Variants in ASAP3 observed in about 807,000 individuals in gnomAD.
ASAP3 encodes the protein arf-GAP with SH3 domain, ANK repeat and PH domain-containing protein 3.
A neutral mutation model predicts 118.2 loss-of-function variants in ASAP3; 85 were observed. The ratio of observed to expected loss-of-function variants is 0.72; its 90% CI spans 0.60 to 0.86. The LOEUF is 0.86. Ranked by LOEUF, ASAP3 falls within the 40% of genes least tolerant of loss-of-function variation. The pLI is 0.00. For synonymous variants in ASAP3, 432 were observed against 477.4 expected, an observed-to-expected ratio of 0.90 and a Z score of 1.24; for missense variants, 1,026 against 1,175.0, an observed-to-expected ratio of 0.87 and a Z score of 1.85.
At chr1:23,465,795 C>A (rs1033217345) in intron 1 of ASAP3, among the ~76,000 whole-genome samples, 2 of 152,196 alleles carry the variant, frequency 1.3e-5, no homozygotes, top group Admixed American at 6.5e-5. Flanking sequence ...AGCCACTGCA[C>A]CTGGCCCAGA....
chr1:23,431,734 C>A lies in ASAP3; in HGVS notation c.2508G>T (p.Gly836=). ...PGTSRPSLTS[G]TTPSEMYLPV... is the part of the protein sequence containing the mutation. ...GGAGGTACATCTCCGAAGGGGTGGT[C>A]CCGGATGTCAGGCTGGGTCTGGAGG... is the stretch of plus-strand genomic sequence containing the variant. Residue 836 remains glycine (G), a synonymous_variant, in exon 23 of 25, where the codon GGG becomes GGT. Coordinates refer to ENST00000336689, the MANE Select transcript of ASAP3 (RefSeq NM_017707.4). 1 of 1,521,842 alleles carries A rather than the reference C, an allele frequency of 6.6e-7. No individual in the cohort carries two copies. Among genetic ancestry groups the A allele is most frequent in the Non-Finnish European group, 8.8e-7 (1 of 1,140,242 alleles). 94.3% of individuals were successfully genotyped at this position (1,521,842 alleles called of 1,614,324 possible). A position where few individuals can be genotyped will look rare whatever the true frequency, so the allele number is the denominator to read the frequency against.
intron 5 of ASAP3, among the ~76,000 whole-genome samples, chr1:23,450,115 G>C (rs919337172): frequency 6.6e-6 from 1 of 152,246 alleles, no homozygotes; most frequent in Non-Finnish European, 1.5e-5. Flanking sequence ...TATGCCCACA[G>C]CTGGGGCTGG....
chr1:23,460,698 G>A (rs1259968317), intron 1 of ASAP3, among the ~76,000 whole-genome samples: 2 of 152,188 alleles, frequency 1.3e-5, no homozygotes, highest in African/African-American at 2.4e-5. Flanking sequence ...CTTGCCAAAT[G>A]AGTCAGCAAT....
upstream of ASAP3, chr1:23,484,231 G>T: frequency 8.9e-7 from 1 of 1,128,786 alleles, no homozygotes; most frequent in Non-Finnish European, 1.1e-6. Context: ...CGCCGTCCCG[G>T]CCTCCACACG....
rs367926462 is a variant in ASAP3, at chr1:23,442,471, C to A, written c.585+30G>T. ...GCAGACAGGAAGACACATCCCACGC[C>A]CCCCCTCCCTCATCCAGAGCACCCC... On this transcript the variant is annotated intron_variant, in intron 6 of 24. Transcript: ENST00000336689. 1.3e-5 allele frequency: 21 copies of A among 1,606,386 alleles called. No homozygotes were observed. The Admixed American group carries it at 3.0e-4, about 23-fold the overall frequency.
At chr1:23,445,506 G>GA (rs1641021790) in intron 5 of ASAP3, among the ~76,000 whole-genome samples, 1 of 151,644 alleles carries the variant, frequency 6.6e-6, no homozygotes, top group Non-Finnish European at 1.5e-5. Context: ...AAAAAAAAAG[G>GA]AATGAGGGAG....
chr1:23,439,179 C>A lies in ASAP3; in HGVS notation c.996G>T (p.Leu332=). ...KRKCGVKYGC[L]TISHSTINRP... The stretch of plus-strand genomic sequence containing the variant: ...GCCTCACCGTGCTGTGTGAGATGGT[C>A]AGGCAGCCATACTTGACTCCACACT... Residue 332 remains leucine (L), a synonymous_variant, in exon 11 of 25, where the codon CTG becomes CTT. Transcript: ENST00000336689. The A allele has an allele frequency of 6.2e-7, 1 of 1,614,122 alleles. No homozygotes were observed. The highest frequency in any genetic ancestry group is 1.7e-5 in the Admixed American group (1 of 60,016).
chr1:23,436,572 G>A lies in ASAP3; in HGVS notation c.1559C>T (p.Ala520Val). ...AGAATCCCCTTACATGTCACTCTCA[G>A]CTGAGGGTTTAGGGCCGCCGTGTGA... Reference protein sequence around the residue: ...LPSHGGPKPSAESDMGTRRDY... With the variant: ...LPSHGGPKPSVESDMGTRRDY... Residue 520 changes from alanine (A) to valine (V), a missense_variant, in exon 16 of 25, where the codon GCT (alanine) becomes GTT (valine). Transcript: ENST00000336689. The surrounding 1 kb of genome is among the most constrained non-coding windows in gnomAD (Gnocchi z 4.2). 6.2e-7 allele frequency: 1 copy of A among 1,614,206 alleles called. No homozygotes were observed. Among genetic ancestry groups the A allele is most frequent in the Admixed American group, 1.7e-5 (1 of 60,034 alleles).
intron 22 of ASAP3, 85 bp from the exon 23 acceptor site, chr1:23,432,003 G>A (rs954804694): frequency 1.5e-6 from 1 of 671,266 alleles, no homozygotes; most frequent in Non-Finnish European, 2.1e-6. Flanking sequence ...TGGCCTCTAG[G>A]ATTTTTTTTT....
At chr1:23,467,559 AT>A (rs1641814441) in intron 1 of ASAP3, among the ~76,000 whole-genome samples, 1 of 152,188 alleles carries the variant, frequency 6.6e-6, no homozygotes, top group African/African-American at 2.4e-5. Flanking sequence ...AATATTAGAG[AT>A]TATCTAACAT....
At chr1:23,467,159 C>G (rs1021280204) in intron 1 of ASAP3, among the ~76,000 whole-genome samples, 1 of 148,810 alleles carries the variant, frequency 6.7e-6, no homozygotes, top group African/African-American at 2.5e-5. Context: ...CCACCTCACC[C>G]GGCCCATTAC....
At position 23,436,080 on chromosome 1, in the gene ASAP3, GAT is replaced by G. The variant is rs1416460413; in HGVS notation, c.1572-54_1572-53del. ...GAGCATGGACCGTGTCTGCCCAGCT[GAT>G]CCCTGGGGCCCTCCCACAGGAGATA... On this transcript the variant is annotated intron_variant, in intron 16 of 24. Coordinates refer to ENST00000336689, the MANE Select transcript of ASAP3 (RefSeq NM_017707.4). The surrounding 1 kb of genome is among the most constrained non-coding windows in gnomAD (Gnocchi z 4.2). 6.3e-7 allele frequency: 1 copy of G among 1,586,894 alleles called. No individual in the cohort carries two copies. The highest frequency in any genetic ancestry group is 1.7e-5 in the Admixed American group (1 of 59,824).
At chr1:23,456,236 G>A (rs771807275) in intron 1 of ASAP3, 42 bp from the exon 2 acceptor site, 1 of 1,586,582 alleles carries the variant, frequency 6.3e-7, no homozygotes, top group Admixed American at 1.7e-5. Context: ...TGCCAAGCTG[G>A]AATAGGGTGC....
rs2148598180 is a variant in ASAP3, at chr1:23,431,022, C to T, written c.2637+13G>A. On this transcript the variant is annotated intron_variant, in intron 24 of 24. Transcript: ENST00000336689. Reference sequence around the variant, plus strand: ...TGCCACCGCCCCTCAAACCATGGTCCCAGAGTTCCTACCGGCACGTTCCTT... The same window carrying T: ...TGCCACCGCCCCTCAAACCATGGTCTCAGAGTTCCTACCGGCACGTTCCTT... 6.4e-7 allele frequency: 1 copy of T among 1,555,966 alleles called. No individual in the cohort carries two copies. Among genetic ancestry groups the T allele is most frequent in the Non-Finnish European group, 8.7e-7 (1 of 1,152,324 alleles).
intron 1 of ASAP3, among the ~76,000 whole-genome samples, chr1:23,467,172 C>CCAT: frequency 7.2e-6 from 1 of 139,664 alleles, no homozygotes; most frequent in East Asian, 2.0e-4. Flanking sequence ...CCCATTACAG[C>CCAT]CATTATTATT....
intron 4 of ASAP3, among the ~76,000 whole-genome samples, chr1:23,452,259 CA>C (rs1249177204): frequency 6.6e-6 from 1 of 152,210 alleles, no homozygotes; most frequent in Non-Finnish European, 1.5e-5. Flanking sequence ...ATTATTCTGT[CA>C]CCTTCTTTGA....
intron 20 of ASAP3, 36 bp from the exon 21 acceptor site, chr1:23,433,568 G>A (rs1301808625): frequency 6.2e-7 from 1 of 1,614,210 alleles, no homozygotes; most frequent in Non-Finnish European, 8.5e-7. Flanking sequence ...TCAGAGGGTT[G>A]GGGGCTCAGC....
intron 3 of ASAP3, among the ~76,000 whole-genome samples, chr1:23,454,185 ATTT>A (rs66675239): frequency 2.0e-4 from 20 of 100,084 alleles, no homozygotes; most frequent in Middle Eastern, 6.2e-3. Context: ...CACACCTGGC[ATTT>A]TTTTTTTTTT....
rs893752525 is a variant in ASAP3, at chr1:23,436,294, C to T, written c.1571+266G>A. Among the ~76,000 whole-genome samples the T allele has an allele frequency of 1.3e-5, 2 of 152,232 alleles. No homozygotes were observed. Among genetic ancestry groups the T allele is most frequent in the African/African-American group, 2.4e-5 (1 of 41,456 alleles). On this transcript the variant is annotated intron_variant, in intron 16 of 24. Coordinates refer to ENST00000336689, the MANE Select transcript of ASAP3 (RefSeq NM_017707.4). This position sits in a 1 kb window ranked among gnomAD's most constrained non-coding sequence, Gnocchi z 4.2. ...TCTAGTGCCTCAACCTCCTGAGTAG[C>T]TGGAATTACAGGCGTGTGCCACCAC...
Sources: gnomAD v4.1 joint callset for allele counts (sites outside exome capture counted in the v4.1 genomes callset) on GRCh38, gnomAD v4.1.1 for gene constraint, Gnocchi (gnomAD v3.1) non-coding constraint, MANE v1.5 for transcripts, NCBI Gene and HGNC (gene_info 2026-07-23, HGNC 2026-07-21) for gene names.